The following ANKRD44 variants were observed in gnomAD, a reference collection of about 807,000 sequenced individuals.
ANKRD44 encodes ankyrin repeat domain 44.
ANKRD44 carries 35 observed loss-of-function variants against 116.0 expected under a neutral mutation model. The observed-to-expected ratio is 0.30, with a 90% CI of 0.23 to 0.40. The LOEUF is 0.40. Among genes scored for constraint, ANKRD44 ranks in the 10% least tolerant of loss-of-function variants. ANKRD44 has a pLI of 1.00. For missense variants in ANKRD44, 1,014 were observed against 1,242.6 expected, an observed-to-expected ratio of 0.82 and a Z score of 2.77; for synonymous variants, 435 against 461.8, an observed-to-expected ratio of 0.94 and a Z score of 0.74.
At chr2:197,042,003 C>T (rs947428530) in intron 16 of ANKRD44, among the ~76,000 whole-genome samples, 3 of 150,702 alleles carry the variant, frequency 2.0e-5, no homozygotes, top group African/African-American at 7.3e-5. Context: ...TTAATGGGTA[C>T]ATTAATGAAA....
chr2:197,141,794 T>TA (rs1468719415), intron 3 of ANKRD44, among the ~76,000 whole-genome samples: 1 of 152,238 alleles, frequency 6.6e-6, no homozygotes, highest in African/African-American at 2.4e-5. Flanking sequence ...CAAGAAGCAT[T>TA]TCATCAGTGT....
In ANKRD44 at chr2:197,009,350, C is replaced by A. The variant is rs144044325; in HGVS notation, c.1925-319G>T. The stretch of plus-strand genomic sequence containing the variant: ...CAGGTGATCCGCCAGCCTCGGCCTC[C>A]CAAAGTGCTGGGATTACAGGCATGA... On this transcript the variant is annotated intron_variant, in intron 18 of 27. Coordinates refer to ENST00000282272, the MANE Select transcript of ANKRD44 (RefSeq NM_001195144.2). Among the ~76,000 whole-genome samples, 178 of 152,094 alleles carry A rather than the reference C, an allele frequency of 1.2e-3. 1 individual carries two copies. Among genetic ancestry groups the A allele is most frequent in the African/African-American group, 4.2e-3 (174 of 41,466 alleles).
chr2:197,175,213 C>G (rs1362802681), intron 2 of ANKRD44, among the ~76,000 whole-genome samples: 1 of 152,122 alleles, frequency 6.6e-6, no homozygotes, highest in Non-Finnish European at 1.5e-5. Context: ...TTTAAGTGTT[C>G]TTACATATTG....
At chr2:196,980,763 G>GT (rs1009231051) in intron 21 of ANKRD44, among the ~76,000 whole-genome samples, 99 of 152,174 alleles carry the variant, frequency 6.5e-4, no homozygotes, top group African/African-American at 2.3e-3. Flanking sequence ...GGTTTGGTTA[G>GT]TTTTTTAATA....
chr2:197,303,206 T>C (rs1336685075), intron 1 of ANKRD44, among the ~76,000 whole-genome samples: 2 of 152,230 alleles, frequency 1.3e-5, no homozygotes, highest in Admixed American at 6.5e-5. Flanking sequence ...CAGAAGTTCA[T>C]AAAAGGCAGA....
intron 3 of ANKRD44, among the ~76,000 whole-genome samples, chr2:197,141,713 T>C (rs952642177): frequency 1.3e-5 from 2 of 152,188 alleles, no homozygotes; most frequent in African/African-American, 4.8e-5. Flanking sequence ...AATAGGCAGC[T>C]GCCAGGAAAA....
At chr2:196,982,778 A>ATCT (rs2075811046), downstream of ANKRD44, among the ~76,000 whole-genome samples, 2 of 152,218 alleles carry the variant, frequency 1.3e-5, no homozygotes, top group Admixed American at 6.5e-5. Flanking sequence ...AGCCAGAGTG[A>ATCT]TCTTTTAAAA....
intron 1 of ANKRD44, among the ~76,000 whole-genome samples, chr2:197,249,821 A>C (rs932207581): frequency 6.6e-6 from 1 of 152,248 alleles, no homozygotes; most frequent in Non-Finnish European, 1.5e-5. Flanking sequence ...GTCTAGGTTT[A>C]AAATACATAA....
At chr2:197,053,608 C>T (rs374203762) in intron 16 of ANKRD44, among the ~76,000 whole-genome samples, 4 of 152,060 alleles carry the variant, frequency 2.6e-5, no homozygotes, top group South Asian at 2.1e-4. Context: ...CTCAGCCTCC[C>T]GAGTAGCTGG....
intron 2 of ANKRD44, among the ~76,000 whole-genome samples, chr2:197,185,928 C>T (rs191386745): frequency 3.3e-5 from 5 of 152,172 alleles, no homozygotes; most frequent in African/African-American, 1.2e-4. Flanking sequence ...TTGTGAGCCA[C>T]TTATAGTCTG....
intron 26 of ANKRD44, 132 bp from the exon 27 acceptor site, chr2:196,993,806 GA>G (rs920647531): frequency 1.5e-4 from 99 of 661,756 alleles, no homozygotes; most frequent in Middle Eastern, 2.6e-4. Flanking sequence ...TTTTACTTAA[GA>G]AAAAAAAATG....
chr2:197,234,501 G>C (rs548011129), intron 1 of ANKRD44, among the ~76,000 whole-genome samples: 1 of 152,216 alleles, frequency 6.6e-6, no homozygotes, highest in South Asian at 2.1e-4. Flanking sequence ...CCAGCCACAG[G>C]CATCTCTTAT....
Position 197,088,694 on chromosome 2 carries a change from A to G in ANKRD44, c.1247+17T>C, listed in dbSNP as rs1443564852. 1.3e-6 allele frequency: 2 copies of G among 1,566,178 alleles called. No homozygotes were observed. Among genetic ancestry groups the G allele is most frequent in the Admixed American group, 1.7e-5 (1 of 57,412 alleles). On this transcript the variant is annotated intron_variant, in intron 12 of 27. Coordinates refer to ENST00000282272, the MANE Select transcript of ANKRD44 (RefSeq NM_001195144.2). ...AATTAGTAACTCATAAATTAACTAG[A>G]ATTGGTAACTACTCACCCTCCTGCA... is the stretch of plus-strand genomic sequence containing the variant.
At chr2:197,115,788 C>G (rs2078694016) in intron 8 of ANKRD44, among the ~76,000 whole-genome samples, 2 of 152,192 alleles carry the variant, frequency 1.3e-5, no homozygotes, top group African/African-American at 2.4e-5. Context: ...CCTCCAGAGT[C>G]AGACAGGATG....
At chr2:197,008,006 TCCCATTCTCTTCCC>T in intron 19 of ANKRD44, 83 bp from the exon 20 acceptor site, 5 of 942,512 alleles carry the variant, frequency 5.3e-6, no homozygotes, top group African/African-American at 1.6e-5. Context: ...ATTCTCTTTC[TCCCATTCTCTTCCC>T]CTCTCCTTTT....
rs577749519 is a variant in ANKRD44 at position 197,187,028 on chromosome 2, T to A, written c.106A>T (p.Thr36Ser). 1 of 1,613,950 alleles carries A rather than the reference T, an allele frequency of 6.2e-7. No homozygotes were observed. Among genetic ancestry groups the A allele is most frequent in the South Asian group, 1.1e-5 (1 of 91,068 alleles). ...MLIHKTEDVN[T>S]LDSEKRTPLH... ...AAAACCACAGTATCTCTTACCAGAG[T>A]ATTCACATCTTCAGTTTTATGGATG... The change falls in exon 2 of 28, where the codon ACT (threonine) becomes TCT (serine). Residue 36 changes from threonine (T) to serine (S), a missense_variant. Physicochemically the swap from Thr to Ser is moderately conservative, Grantham distance 58. Transcript: ENST00000282272.
chr2:197,032,969 T>TAA (rs2076735902), intron 16 of ANKRD44, among the ~76,000 whole-genome samples: 1 of 152,132 alleles, frequency 6.6e-6, no homozygotes, highest in Non-Finnish European at 1.5e-5. Context: ...TAGAGAGAGA[T>TAA]GCGTTGAGTC....
rs2082977883 is a variant in ANKRD44, at chr2:197,273,972, AAAAAAAAAATATATATATATAT to A, written c.27+36584_27+36605del. ...AGTCAACCAACCACAAAAAAAAAAA[AAAAAAAAAATATATATATATAT>A]ATATATATATATATATATATATATA... On this transcript the variant is annotated intron_variant, in intron 1 of 27. Transcript: ENST00000282272. Among the ~76,000 whole-genome samples the A allele has an allele frequency of 9.8e-5, 3 of 30,514 alleles. 1 individual carries two copies. The highest frequency in any genetic ancestry group is 3.9e-4 in the Admixed American group (1 of 2,560). The allele number at this position is 30,514 out of a possible 152,430, so 20.0% of individuals were successfully genotyped here. A position where few individuals can be genotyped will look rare whatever the true frequency, so the allele number is the denominator to read the frequency against.
chr2:197,256,499 A>C (rs1178686476), intron 1 of ANKRD44, among the ~76,000 whole-genome samples: 1 of 152,234 alleles, frequency 6.6e-6, no homozygotes, highest in Non-Finnish European at 1.5e-5. Context: ...CAAAGTAACA[A>C]AACCAAAGTG....
Sources: gnomAD v4.1 joint callset for allele counts (sites outside exome capture counted in the v4.1 genomes callset) on GRCh38, gnomAD v4.1.1 for gene constraint, MANE v1.5 for transcripts, NCBI Gene and HGNC (gene_info 2026-07-23, HGNC 2026-07-21) for gene names.